HECTD4: variants seen among roughly 807,000 people sequenced by gnomAD.
HECTD4 encodes the protein HECT domain E3 ubiquitin protein ligase 4.
Under a neutral mutation model 471.5 loss-of-function variants are expected in HECTD4, and 114 were observed. The ratio of observed to expected loss-of-function variants is 0.24; its 90% CI spans 0.21 to 0.28. The LOEUF (loss-of-function observed/expected upper bound fraction) is 0.28, where lower values mean the gene tolerates loss of function less well. Among genes scored for constraint, HECTD4 ranks in the 10% least tolerant of loss-of-function variants. The pLI is 1.00. For missense variants in HECTD4, 3,866 were observed against 5,651.5 expected, an observed-to-expected ratio of 0.68 and a Z score of 10.13; for synonymous variants, 2,012 against 2,256.0, an observed-to-expected ratio of 0.89 and a Z score of 3.07.
chr12:112,307,469 C>T (rs946461416), intron 6 of HECTD4, among the ~76,000 whole-genome samples: 1 of 152,178 alleles, frequency 6.6e-6, no homozygotes, highest in Admixed American at 6.5e-5. Flanking sequence ...GGCACTACTT[C>T]AAATGTAAAT....
At chr12:112,230,917 C>A (rs2033363409) in intron 39 of HECTD4, 95 bp from the exon 40 acceptor site, 1 of 1,180,458 alleles carries the variant, frequency 8.5e-7, no homozygotes, top group Admixed American at 3.0e-5. Flanking sequence ...AAAACCTTTT[C>A]TTTTTATACA....
At chr12:112,249,285 CAG>C (rs1566086945) in intron 25 of HECTD4, among the ~76,000 whole-genome samples, 2 of 149,426 alleles carry the variant, frequency 1.3e-5, no homozygotes, top group African/African-American at 5.0e-5. Flanking sequence ...AACTAGGAGA[CAG>C]AGGTTGTAGT....
intron 54 of HECTD4, chr12:112,203,418 G>T: frequency 2.3e-6 from 1 of 434,910 alleles, no homozygotes. Flanking sequence ...ACAGCTTTGA[G>T]ACTGGAGAGC....
chr12:112,287,532 T>A (rs1375634181), intron 7 of HECTD4, among the ~76,000 whole-genome samples: 1 of 152,110 alleles, frequency 6.6e-6, no homozygotes, highest in Non-Finnish European at 1.5e-5. Flanking sequence ...TAATAAAATT[T>A]TAAAACTGCA....
At chr12:112,195,871 C>T (rs552087552) in intron 55 of HECTD4, among the ~76,000 whole-genome samples, 4 of 152,304 alleles carry the variant, frequency 2.6e-5, no homozygotes, top group African/African-American at 9.6e-5. Flanking sequence ...TGCCTAAGCA[C>T]GTCTTATGGG....
intron 67 of HECTD4, 42 bp downstream of exon 67, chr12:112,172,629 G>C (rs565938551): frequency 8.2e-6 from 13 of 1,585,566 alleles, no homozygotes; most frequent in African/African-American, 1.3e-5. Flanking sequence ...GGGCATGCCC[G>C]CATCAGGCAG....
At chr12:112,306,024 A>C in intron 7 of HECTD4, 40 bp downstream of exon 7, 1 of 1,562,014 alleles carries the variant, frequency 6.4e-7, no homozygotes, top group Non-Finnish European at 8.7e-7. Context: ...GCAAACAGAA[A>C]TGTTTCTGCA....
rs763125686 is a variant in HECTD4 at position 112,212,491 on chromosome 12, T to C, written c.7625A>G (p.Lys2542Arg). The change falls in exon 49 of 76, where the codon AAA (lysine) becomes AGA (arginine). Residue 2542 changes from lysine to arginine, a missense_variant. Lys to Arg is a conservative substitution (Grantham distance 26). Coordinates refer to ENST00000682272, the MANE Select transcript of HECTD4 (RefSeq NM_001388303.1). ...GGMWPVVHIQ[K>R]KNTKTRANFG... is the part of the protein sequence containing the mutation. Reference sequence around the variant, plus strand: ...TTTCCCAACAAGGTAACCTGCCTTTTTCTGAATGTGAACCACTGGCCACAT... The same window carrying C: ...TTTCCCAACAAGGTAACCTGCCTTTCTCTGAATGTGAACCACTGGCCACAT... 8.7e-6 allele frequency: 14 copies of C among 1,609,346 alleles called. No individual in the cohort carries two copies. In the South Asian group the frequency reaches 1.2e-4, roughly 14 times the overall value.
At chr12:112,324,050 CTTTCT>C (rs2035679840) in intron 1 of HECTD4, among the ~76,000 whole-genome samples, 1 of 54,178 alleles carries the variant, frequency 1.8e-5, no homozygotes, top group Non-Finnish European at 2.8e-5. Context: ...TCCTTCCTTT[CTTTCT>C]TTCTTTCTTT....
chr12:112,204,211 T>C (rs1019192111), intron 53 of HECTD4, among the ~76,000 whole-genome samples: 2 of 152,236 alleles, frequency 1.3e-5, no homozygotes, highest in African/African-American at 2.4e-5. Context: ...CCCAGCTATT[T>C]TCTATGTTTT....
At chr12:112,183,401 G>A in intron 61 of HECTD4, 135 bp from the exon 62 acceptor site, 1 of 701,352 alleles carries the variant, frequency 1.4e-6, no homozygotes, top group Non-Finnish European at 2.4e-6. Context: ...CTACTCTGGT[G>A]AGCTGGACCT....
intron 1 of HECTD4, among the ~76,000 whole-genome samples, chr12:112,321,033 G>A (rs2035575724): frequency 6.6e-6 from 1 of 152,008 alleles, no homozygotes; most frequent in Non-Finnish European, 1.5e-5. Context: ...TAGTAGAGAC[G>A]AGGTTTCGCC....
Position 112,184,459 on chromosome 12 carries a change from T to A in HECTD4, c.10507A>T (p.Thr3503Ser). 1 of 1,605,476 alleles carries A rather than the reference T, an allele frequency of 6.2e-7. No homozygotes were observed. Among genetic ancestry groups the A allele is most frequent in the Non-Finnish European group, 8.5e-7 (1 of 1,176,788 alleles). The stretch of plus-strand genomic sequence containing the variant: ...GGATCCACAGAGAGGTCGCTGACGG[T>A]TTGGGAGATGCCCTGCGAGCTGCAG... ...SICSSQGISQ[T>S]VSDLSVDPLP... The change falls in exon 61 of 76, where the codon ACC (threonine) becomes TCC (serine). Residue 3503 changes from threonine (T) to serine (S), a missense_variant. Thr to Ser is a moderately conservative substitution (Grantham distance 58). This residue lies in a region of HECTD4 where 192 missense variants were observed against 189.9 expected (regional missense o/e 1.01). Coordinates refer to ENST00000682272, the MANE Select transcript of HECTD4 (RefSeq NM_001388303.1). The surrounding 1 kb of genome is among the most constrained non-coding windows in gnomAD (Gnocchi z 9.1).
chr12:112,213,015 C>T lies in HECTD4; in HGVS notation c.7466-365G>A, dbSNP rs1336932396. 1.3e-5 allele frequency among the ~76,000 whole-genome samples: 2 copies of T among 152,112 alleles called. No individual in the cohort carries two copies. The highest frequency in any genetic ancestry group is 2.4e-5 in the African/African-American group (1 of 41,418). On this transcript the variant is annotated intron_variant, in intron 48 of 75. Transcript: ENST00000682272. The surrounding 1 kb of genome is among the most constrained non-coding windows in gnomAD (Gnocchi z 4.0). ...TTTGCCATGTTGGCCAGACTGGTCT[C>T]GAACTGTTGACCTCAGGCAATCCAC... is the stretch of plus-strand genomic sequence containing the variant.
At chr12:112,362,930 G>A (rs977422441) in intron 1 of HECTD4, among the ~76,000 whole-genome samples, 1 of 151,936 alleles carries the variant, frequency 6.6e-6, no homozygotes, top group Non-Finnish European at 1.5e-5. Flanking sequence ...TCGAATTCCC[G>A]ACCTCATGTG....
In HECTD4 at chr12:112,225,803, A is replaced by G. The variant is rs144082429; in HGVS notation, c.6970+840T>C. ...ACACTGACTAGATATGTATATACAC[A>G]TATTTTTAGAGACAGGGTCTCACTA... On this transcript the variant is annotated intron_variant, in intron 44 of 75. Coordinates refer to ENST00000682272, the MANE Select transcript of HECTD4 (RefSeq NM_001388303.1). Among the ~76,000 whole-genome samples, 724 of 152,274 alleles carry G rather than the reference A, an allele frequency of 4.8e-3. 7 individuals are homozygous for G. The highest frequency in any genetic ancestry group is 0.016 in the African/African-American group (662 of 41,580).
intron 8 of HECTD4, among the ~76,000 whole-genome samples, chr12:112,282,569 G>A (rs1342993599): frequency 6.6e-6 from 1 of 152,150 alleles, no homozygotes; most frequent in Non-Finnish European, 1.5e-5. Flanking sequence ...TACCTGTGGT[G>A]GGGTAGGGTG....
intron 1 of HECTD4, among the ~76,000 whole-genome samples, chr12:112,375,912 T>C (rs953908272): frequency 2.4e-5 from 3 of 123,774 alleles, no homozygotes; most frequent in African/African-American, 6.0e-5. Context: ...CTACTAAAAA[T>C]ACAAAAAAAA....
chr12:112,382,017 T>A lies in HECTD4; in HGVS notation c.112A>T (p.Thr38Ser). 8.2e-7 allele frequency: 1 copy of A among 1,224,248 alleles called. No individual in the cohort carries two copies. Among genetic ancestry groups the A allele is most frequent in the Non-Finnish European group, 1.0e-6 (1 of 983,118 alleles). The allele number at this position is 1,224,248 out of a possible 1,614,324, so 75.8% of individuals were successfully genotyped here. A position where few individuals can be genotyped will look rare whatever the true frequency, so the allele number is the denominator to read the frequency against. The change falls in exon 1 of 76, where the codon ACC (threonine) becomes TCC (serine). Residue 38 changes from threonine to serine, a missense_variant. Thr to Ser is a moderately conservative substitution (Grantham distance 58). Transcript: ENST00000682272. ...TCGCTGGGCAGCTCGGCCAGGTCGG[T>A]GACCCGGATCAGCCCGTCGTGCAGG... is the stretch of plus-strand genomic sequence containing the variant. ...IFLHDGLIRV[T>S]DLAELPSEIL... is the part of the protein sequence containing the mutation.
Sources: gnomAD v4.1 joint callset for allele counts (sites outside exome capture counted in the v4.1 genomes callset) on GRCh38, gnomAD v4.1.1 for gene constraint, gnomAD v4.1.1 regional missense constraint, Gnocchi (gnomAD v3.1) non-coding constraint, MANE v1.5 for transcripts, NCBI Gene and HGNC (gene_info 2026-07-23, HGNC 2026-07-21) for gene names.